The following SLC2A2 variants were observed in gnomAD, a reference collection of about 807,000 sequenced individuals.
SLC2A2 encodes solute carrier family 2, facilitated glucose transporter member 2.
In SLC2A2, 36 loss-of-function variants were observed where a neutral mutation model predicts 54.5. That is an observed-to-expected ratio of 0.66 (90% CI 0.51 to 0.87). The LOEUF is 0.87. SLC2A2 is among the 40% of genes least tolerant of loss of function. The probability of loss-of-function intolerance (pLI) is 0.00; values close to 1 mark genes in which losing one functional copy is unlikely to be tolerated. For synonymous variants in SLC2A2, 223 were observed against 219.1 expected, an observed-to-expected ratio of 1.02 and a Z score of -0.16; for missense variants, 543 against 624.3, an observed-to-expected ratio of 0.87 and a Z score of 1.39.
chr3:171,012,048 A>G (rs977192360), intron 3 of SLC2A2, among the ~76,000 whole-genome samples: 5 of 152,152 alleles, frequency 3.3e-5, no homozygotes, highest in Admixed American at 3.3e-4. Context: ...ATATTTCTTA[A>G]AATCTGACTC....
chr3:171,023,412 C>T (rs1007100448), intron 1 of SLC2A2, among the ~76,000 whole-genome samples: 1 of 152,192 alleles, frequency 6.6e-6, no homozygotes, highest in Non-Finnish European at 1.5e-5. Flanking sequence ...ACTCCTTCAT[C>T]TTTTCTTTCT....
At position 171,002,551 on chromosome 3, in the gene SLC2A2, G is replaced by A. The variant is rs766675532; in HGVS notation, c.1068+25C>T. ...ATTTCTGGACTAAGGAACAAGCAGA[G>A]TATTTATCTAGGGCATTGACTTACA... On this transcript the variant is annotated intron_variant, in intron 8 of 10. Transcript: ENST00000314251. 9.1e-6 allele frequency: 13 copies of A among 1,430,580 alleles called. No individual in the cohort carries two copies. The South Asian group carries it at 1.4e-4, about 15-fold the overall frequency. The allele number at this position is 1,430,580 out of a possible 1,614,324, so 88.6% of individuals were successfully genotyped here.
chr3:171,026,175 G>A (rs183200187), intron 1 of SLC2A2, among the ~76,000 whole-genome samples: 5 of 152,178 alleles, frequency 3.3e-5, no homozygotes, highest in Non-Finnish European at 5.9e-5. Flanking sequence ...ATTTCCCAAC[G>A]TCTCCATAGT....
intron 4 of SLC2A2, 46 bp downstream of exon 4, chr3:171,009,912 G>GGGGT (rs774821445): frequency 6.0e-5 from 79 of 1,325,670 alleles, no homozygotes; most frequent in East Asian, 3.1e-4. Context: ...GACAAAGGTA[G>GGGGT]GTGTGTGTGT....
Position 170,998,402 on chromosome 3 carries a change from GAAA to G in SLC2A2, c.1171-9_1171-7del. 1 of 1,612,344 alleles carries G rather than the reference GAAA, an allele frequency of 6.2e-7. No individual in the cohort carries two copies. On this transcript the variant is annotated splice_region_variant and splice_polypyrimidine_tract_variant and intron_variant, in intron 9 of 10. Transcript: ENST00000314251. ...CTCATCCAAGAGAACTTATTCTGAG[GAAA>G]AAAACAAAAACAATAGTGGGACTGA...
Position 170,998,355 on chromosome 3 carries a change from G to A in SLC2A2, c.1212C>T (p.Ile404=). The A allele has an allele frequency of 6.2e-7, 1 of 1,613,706 alleles. No homozygotes were observed. ...TTTCAAAGAAGCTGACAAAGAGGAAGATGGCTATCATGCTCACATAACTCA... is the reference window on the plus strand; with the variant it reads ...TTTCAAAGAAGCTGACAAAGAGGAAAATGGCTATCATGCTCACATAACTCA... ...SWMSYVSMIA[I]FLFVSFFEIG... Residue 404 remains isoleucine, a synonymous_variant, in exon 10 of 11, where the codon ATC becomes ATT. Transcript: ENST00000314251.
intron 1 of SLC2A2, among the ~76,000 whole-genome samples, chr3:171,020,939 AC>A (rs1313680453): frequency 1.3e-5 from 2 of 150,784 alleles, no homozygotes; most frequent in African/African-American, 2.4e-5. Context: ...GATATTTATC[AC>A]TTATATATAT....
Position 171,019,376 on chromosome 3 carries a change from T to C in SLC2A2, c.16-753A>G, listed in dbSNP as rs766872886. ...TTCCGCATCAACATCCAGGGAAGGG[T>C]ACTTTTCAGGATTTGCATCTAGTTC... On this transcript the variant is annotated intron_variant, in intron 1 of 10. Coordinates refer to ENST00000314251, the MANE Select transcript of SLC2A2 (RefSeq NM_000340.2). Among the ~76,000 whole-genome samples, 65 of 151,888 alleles carry C rather than the reference T, an allele frequency of 4.3e-4. 1 individual carries two copies. Among genetic ancestry groups the C allele is most frequent in the South Asian group, 6.3e-4 (3 of 4,800 alleles).
At chr3:171,019,425 C>A (rs1167609810) in intron 1 of SLC2A2, among the ~76,000 whole-genome samples, 1 of 151,832 alleles carries the variant, frequency 6.6e-6, no homozygotes, top group Non-Finnish European at 1.5e-5. Flanking sequence ...AGGATAAGGG[C>A]CATTATTTTC....
intron 3 of SLC2A2, among the ~76,000 whole-genome samples, chr3:171,012,929 A>C (rs1478971844): frequency 6.6e-6 from 1 of 152,120 alleles, no homozygotes; most frequent in East Asian, 1.9e-4. Flanking sequence ...AAGACTTCAG[A>C]GGGTTTGTAT....
intron 3 of SLC2A2, among the ~76,000 whole-genome samples, chr3:171,012,603 C>CT (rs903636944): frequency 3.6e-4 from 53 of 148,734 alleles, no homozygotes; most frequent in African/African-American, 8.6e-4. Context: ...CAAGGAAACA[C>CT]TTTTTTTTTT....
At chr3:171,005,230 T>C in intron 7 of SLC2A2, 55 bp downstream of exon 7, 1 of 1,462,654 alleles carries the variant, frequency 6.8e-7, no homozygotes, top group Non-Finnish European at 9.6e-7. Context: ...ACCCCTTGCC[T>C]TCCCTATTTT....
intron 1 of SLC2A2, among the ~76,000 whole-genome samples, chr3:171,021,095 T>C (rs1716442833): frequency 6.6e-6 from 1 of 152,202 alleles, no homozygotes; most frequent in East Asian, 1.9e-4. Context: ...ATCTAAAATG[T>C]AACTCGACAT....
intron 2 of SLC2A2, among the ~76,000 whole-genome samples, chr3:171,018,149 A>G (rs576634642): frequency 1.3e-5 from 2 of 152,186 alleles, no homozygotes; most frequent in Non-Finnish European, 2.9e-5. Context: ...CCCTGAGTGA[A>G]ACATATCCTT....
At chr3:171,015,974 T>C (rs934153217) in intron 2 of SLC2A2, among the ~76,000 whole-genome samples, 1 of 152,082 alleles carries the variant, frequency 6.6e-6, no homozygotes, top group Admixed American at 6.5e-5. Flanking sequence ...TTCCTCTCAA[T>C]GATGATTTGG....
chr3:171,015,491 C>T (rs994324052), intron 2 of SLC2A2, among the ~76,000 whole-genome samples: 1 of 152,114 alleles, frequency 6.6e-6, no homozygotes, highest in Non-Finnish European at 1.5e-5. Flanking sequence ...ATATATTCTG[C>T]AGGCTAAAAA....
chr3:170,998,303 T>G lies in SLC2A2; in HGVS notation c.1264A>C (p.Met422Leu). The change falls in exon 10 of 11, where the codon ATG becomes CTG. Residue 422 changes from methionine (M) to leucine (L), a missense_variant. By Grantham distance (15) the Met-to-Leu change is conservative. Transcript: ENST00000314251. Reference sequence around the variant, plus strand: ...CCTTGACTGAAAAACTCAGCCACCATGAACCAGGGGATCGGGCCTGGCCCA... The same window carrying G: ...CCTTGACTGAAAAACTCAGCCACCAGGAACCAGGGGATCGGGCCTGGCCCA... Reference protein sequence around the residue: ...EIGPGPIPWFMVAEFFSQGPR... With the variant: ...EIGPGPIPWFLVAEFFSQGPR... 1.1e-5 allele frequency: 17 copies of G among 1,613,830 alleles called. No homozygotes were observed. Among genetic ancestry groups the G allele is most frequent in the Non-Finnish European group, 1.4e-5 (16 of 1,179,812 alleles).
intron 1 of SLC2A2, among the ~76,000 whole-genome samples, chr3:171,019,330 C>T (rs527473370): frequency 6.6e-6 from 1 of 151,608 alleles, no homozygotes; most frequent in Non-Finnish European, 1.5e-5. Context: ...ATATAAGAGG[C>T]ATTAGCTAGC....
In SLC2A2 at chr3:171,002,465, G is replaced by T. The variant is rs1576826508; in HGVS notation, c.1068+111C>A. 8.2e-6 allele frequency: 6 copies of T among 735,966 alleles called. No individual in the cohort carries two copies. In the South Asian group the frequency reaches 8.9e-5, roughly 11 times the overall value. 45.6% of individuals were successfully genotyped at this position (735,966 alleles called of 1,614,324 possible). ...TGACTCACTTGGGTTTACACACTTA[G>T]AGCATGTGTACAATAAGTCATTGAT... On this transcript the variant is annotated intron_variant, in intron 8 of 10. Coordinates refer to ENST00000314251, the MANE Select transcript of SLC2A2 (RefSeq NM_000340.2).
Sources: allele counts gnomAD v4.1 joint callset (sites outside exome capture counted in the v4.1 genomes callset), GRCh38; gene constraint gnomAD v4.1.1; transcripts MANE v1.5; gene names NCBI Gene and HGNC (gene_info 2026-07-23, HGNC 2026-07-21).